ALMS1: variants seen among roughly 807,000 people sequenced by gnomAD.
The protein encoded by ALMS1 is ALMS1 centrosome and basal body associated protein, also known as centrosome-associated protein ALMS1.
ALMS1 carries 271 observed loss-of-function variants against 352.2 expected under a neutral mutation model. The ratio of observed to expected loss-of-function variants is 0.77; its 90% CI spans 0.70 to 0.85. The LOEUF (loss-of-function observed/expected upper bound fraction) is 0.85, where lower values mean the gene tolerates loss of function less well. ALMS1 is among the 40% of genes least tolerant of loss of function. The pLI is 0.00. For synonymous variants in ALMS1, 1,865 were observed against 1,761.2 expected (o/e 1.06, Z -1.48); for missense variants, 5,445 against 4,870.7 (o/e 1.12, Z -3.51).
chr2:73,535,534 T>C (rs1371313126), intron 12 of ALMS1, among the ~76,000 whole-genome samples: 2 of 152,210 alleles, frequency 1.3e-5, no homozygotes, highest in Non-Finnish European at 2.9e-5. Context: ...ATCCAGCTTT[T>C]GCCAAGGCAC....
Position 73,453,240 on chromosome 2 carries a change from C to A in ALMS1, c.6713C>A (p.Ser2238Tyr). ...DDRVVINKPE[S>Y]AGFRDVGSEE... ...AGAGTTGTAATAAATAAACCAGAAT[C>A]TGCAGGTTTTAGAGATGTTGGCTCT... is the stretch of plus-strand genomic sequence containing the variant. Residue 2238 changes from serine to tyrosine, a missense_variant, in exon 8 of 23, where the codon TCT (serine) becomes TAT (tyrosine). By Grantham distance (144) the Ser-to-Tyr change is moderately radical. Coordinates refer to ENST00000613296, the MANE Select transcript of ALMS1 (RefSeq NM_001378454.1). 6.2e-7 allele frequency: 1 copy of A among 1,613,962 alleles called. No homozygotes were observed. The highest frequency in any genetic ancestry group is 8.5e-7 in the Non-Finnish European group (1 of 1,179,968).
chr2:73,560,169 T>C (rs79910500), intron 15 of ALMS1, among the ~76,000 whole-genome samples: 605 of 152,290 alleles, frequency 4.0e-3, no homozygotes, highest in Non-Finnish European at 7.4e-3. Context: ...AAAGAACTTA[T>C]GCAACTCAAT....
intron 10 of ALMS1, among the ~76,000 whole-genome samples, chr2:73,508,132 T>C (rs1673372964): frequency 6.7e-6 from 1 of 149,840 alleles, no homozygotes; most frequent in Non-Finnish European, 1.5e-5. Context: ...TTTCCTTTCC[T>C]TTCCCTTTCC....
At position 73,455,255 on chromosome 2, in the gene ALMS1, C is replaced by T; in HGVS notation, c.7634C>T (p.Ala2545Val). 6.2e-7 allele frequency: 1 copy of T among 1,614,060 alleles called. No individual in the cohort carries two copies. Among genetic ancestry groups the T allele is most frequent in the Non-Finnish European group, 8.5e-7 (1 of 1,180,004 alleles). Residue 2545 changes from alanine (A) to valine (V), a missense_variant, in exon 9 of 23, where the codon GCA becomes GTA. Physicochemically the swap from Ala to Val is moderately conservative, Grantham distance 64. Coordinates refer to ENST00000613296, the MANE Select transcript of ALMS1 (RefSeq NM_001378454.1). ...DDRRKVEEIKAELFGHGRTTD... is the reference protein window; with the variant it reads ...DDRRKVEEIKVELFGHGRTTD... The stretch of plus-strand genomic sequence containing the variant: ...AGGAGGAAAGTAGAAGAGATCAAGG[C>T]AGAGTTATTTGGTCATGGAAGAACA...
At chr2:73,541,682 GGA>G (rs1674186030) in intron 12 of ALMS1, among the ~76,000 whole-genome samples, 1 of 151,886 alleles carries the variant, frequency 6.6e-6, no homozygotes, top group Non-Finnish European at 1.5e-5. Flanking sequence ...ATGATAAAGG[GGA>G]TATCACCACC....
chr2:73,450,863 A>G lies in ALMS1; in HGVS notation c.4336A>G (p.Ser1446Gly), dbSNP rs1349274489. ...GSFYQQVLPHSHLPEEALEVS... is the reference protein window; with the variant it reads ...GSFYQQVLPHGHLPEEALEVS... ...TTTCTACCAACAGGTCTTGCCACAT[A>G]GTCATCTACCTGAAGAGGCTTTGGA... The change falls in exon 8 of 23, where the codon AGT (serine) becomes GGT (glycine). Residue 1446 changes from serine to glycine, a missense_variant. By Grantham distance (56) the Ser-to-Gly change is moderately conservative. Coordinates refer to ENST00000613296, the MANE Select transcript of ALMS1 (RefSeq NM_001378454.1). 1 of 1,614,022 alleles carries G rather than the reference A, an allele frequency of 6.2e-7. No individual in the cohort carries two copies. Among genetic ancestry groups the G allele is most frequent in the East Asian group, 2.2e-5 (1 of 44,896 alleles).
intron 1 of ALMS1, among the ~76,000 whole-genome samples, chr2:73,400,231 C>A (rs1670848341): frequency 6.6e-6 from 1 of 152,144 alleles, no homozygotes; most frequent in East Asian, 1.9e-4. Flanking sequence ...CAGGTGGGAG[C>A]CACTGTGTCC....
At chr2:73,396,077 T>A (rs60844734) in intron 1 of ALMS1, among the ~76,000 whole-genome samples, 51,000 of 152,096 alleles carry the variant, frequency 0.34, 11,530 homozygotes, top group African/African-American at 0.65. Flanking sequence ...GAAAGCATCC[T>A]GTCTTTTACC....
chr2:73,589,148 A>G (rs116301947), intron 16 of ALMS1, among the ~76,000 whole-genome samples: 4,338 of 152,216 alleles, frequency 0.028, 188 homozygotes, highest in African/African-American at 0.098. Context: ...TACAAGAATT[A>G]TGTTCTAATA....
chr2:73,609,220 C>T (rs1675888507), intron 22 of ALMS1, among the ~76,000 whole-genome samples: 1 of 152,178 alleles, frequency 6.6e-6, no homozygotes, highest in African/African-American at 2.4e-5. Flanking sequence ...TGGAGCAGGC[C>T]CCAGAACCCA....
chr2:73,484,822 A>T (rs955627749), intron 9 of ALMS1, among the ~76,000 whole-genome samples: 92 of 151,728 alleles, frequency 6.1e-4, no homozygotes, highest in African/African-American at 2.1e-3. Context: ...CATTTCATTC[A>T]TTTCTTCTTC....
Position 73,449,477 on chromosome 2 carries a change from A to G in ALMS1, c.2950A>G (p.Ile984Val), listed in dbSNP as rs781184938. Residue 984 changes from isoleucine (I) to valine (V), a missense_variant, in exon 8 of 23, where the codon ATT (isoleucine) becomes GTT (valine). By Grantham distance (29) the Ile-to-Val change is conservative. Coordinates refer to ENST00000613296, the MANE Select transcript of ALMS1 (RefSeq NM_001378454.1). ...TAGAGAATCTCTGAAAATGTCTGCT[A>G]TTCCTGGACTGACTGACCAGAAGAC... ...LPRESLKMSAIPGLTDQKTVP... is the reference protein window; with the variant it reads ...LPRESLKMSAVPGLTDQKTVP... The G allele has an allele frequency of 7.4e-6, 12 of 1,613,908 alleles. No individual in the cohort carries two copies. Among genetic ancestry groups the G allele is most frequent in the East Asian group, 2.2e-5 (1 of 44,882 alleles).
intron 16 of ALMS1, among the ~76,000 whole-genome samples, chr2:73,590,018 A>C (rs1476876306): frequency 6.6e-6 from 1 of 151,566 alleles, no homozygotes; most frequent in African/African-American, 2.4e-5. Context: ...TAGTAAAACA[A>C]GTTTCTATAC....
At chr2:73,442,067 G>A (rs1481924771) in intron 7 of ALMS1, among the ~76,000 whole-genome samples, 1 of 151,958 alleles carries the variant, frequency 6.6e-6, no homozygotes, top group African/African-American at 2.4e-5. Flanking sequence ...ATTAATAATA[G>A]CTGACATTTA....
intron 1 of ALMS1, among the ~76,000 whole-genome samples, chr2:73,391,123 A>G (rs2103630492): frequency 6.6e-6 from 1 of 150,986 alleles, no homozygotes; most frequent in South Asian, 2.1e-4. Context: ...TTCTTTCCCC[A>G]TCTTCCCTCT....
In ALMS1 at chr2:73,438,294, A is replaced by AT. The variant is rs546099069; in HGVS notation, c.1432+6007dup. On this transcript the variant is annotated intron_variant, in intron 7 of 22. Transcript: ENST00000613296. ...TTTTATTGGCAAACCTCTGGGTCCT[A>AT]TTTTATAACAAGCAGAAAGTAACTG... 8.5e-5 allele frequency among the ~76,000 whole-genome samples: 13 copies of AT among 152,278 alleles called. No homozygotes were observed. In the South Asian group the frequency reaches 2.7e-3, roughly 32 times the overall value.
intron 9 of ALMS1, among the ~76,000 whole-genome samples, chr2:73,481,058 T>C (rs1472594326): frequency 6.6e-6 from 1 of 151,776 alleles, no homozygotes; most frequent in Non-Finnish European, 1.5e-5. Context: ...TTTCTTTTGC[T>C]GTGCAGAAGC....
At position 73,600,708 on chromosome 2, in the gene ALMS1, A is replaced by C. The variant is rs550079295; in HGVS notation, c.11699A>C (p.Lys3900Thr). The change falls in exon 18 of 23, where the codon AAA becomes ACA. Residue 3900 changes from lysine (K) to threonine (T), a missense_variant. Physicochemically the swap from Lys to Thr is moderately conservative, Grantham distance 78. Coordinates refer to ENST00000613296, the MANE Select transcript of ALMS1 (RefSeq NM_001378454.1). Reference sequence around the variant, plus strand: ...TTGGAGATTGTGAACGGTGCCAAAAAACACACTCGAGATGTTGGGATAACT... The same window carrying C: ...TTGGAGATTGTGAACGGTGCCAAAACACACACTCGAGATGTTGGGATAACT... ...GNLEIVNGAK[K>T]HTRDVGITFP... The C allele has an allele frequency of 3.1e-6, 5 of 1,614,058 alleles. No individual in the cohort carries two copies. In the South Asian group the frequency reaches 4.4e-5, roughly 14 times the overall value.
chr2:73,426,807 G>T (rs1420226108), intron 6 of ALMS1, among the ~76,000 whole-genome samples: 4 of 152,084 alleles, frequency 2.6e-5, no homozygotes, highest in Non-Finnish European at 4.4e-5. Flanking sequence ...TGAAAAGCCT[G>T]TAAGTTTTTC....
Sources: gnomAD v4.1 joint callset for allele counts (sites outside exome capture counted in the v4.1 genomes callset) on GRCh38, gnomAD v4.1.1 for gene constraint, MANE v1.5 for transcripts, NCBI Gene and HGNC (gene_info 2026-07-23, HGNC 2026-07-21) for gene names.